Variants in NLRP1 observed in about 807,000 individuals in gnomAD.
NLRP1 encodes the protein NLR family pyrin domain containing 1, also known as NACHT, LRR and PYD domains-containing protein 1.
Under a neutral mutation model 136.7 loss-of-function variants are expected in NLRP1, and 94 were observed. The ratio of observed to expected loss-of-function variants is 0.69; its 90% CI spans 0.58 to 0.82. The LOEUF (loss-of-function observed/expected upper bound fraction) is 0.82, where lower values mean the gene tolerates loss of function less well. Ranked by LOEUF, NLRP1 falls within the 40% of genes least tolerant of loss-of-function variation. The pLI is 0.00. For missense variants in NLRP1, 1,575 were observed against 1,802.7 expected, an observed-to-expected ratio of 0.87 and a Z score of 2.29; for synonymous variants, 690 against 725.1, an observed-to-expected ratio of 0.95 and a Z score of 0.78.
chr17:5,529,662 G>C (rs79338441), intron 12 of NLRP1, among the ~76,000 whole-genome samples: 2 of 151,914 alleles, frequency 1.3e-5, no homozygotes, highest in Non-Finnish European at 2.9e-5. Context: ...CACTGCGCCC[G>C]GCCTTGTTTT....
chr17:5,581,322 G>T (rs1905616209), intron 3 of NLRP1, among the ~76,000 whole-genome samples: 1 of 152,194 alleles, frequency 6.6e-6, no homozygotes, highest in South Asian at 2.1e-4. Context: ...TTCCATCTTT[G>T]CTAGTACTAA....
At chr17:5,542,542 C>T (rs544823533) in intron 5 of NLRP1, among the ~76,000 whole-genome samples, 7 of 152,256 alleles carry the variant, frequency 4.6e-5, no homozygotes, top group Admixed American at 3.3e-4. Flanking sequence ...TGACATCTTG[C>T]CTCGTCTCTC....
intron 15 of NLRP1, chr17:5,503,938 G>C (rs1047565156): frequency 5.9e-5 from 9 of 152,234 alleles, no homozygotes; most frequent in African/African-American, 2.2e-4. Flanking sequence ...CTTCTAGGGG[G>C]ATCTTTTCTC....
chr17:5,503,006 TGGAA>T, intron 15 of NLRP1: 1 of 152,480 alleles, frequency 6.6e-6, no homozygotes, highest in East Asian at 1.9e-4. Flanking sequence ...AATAATGGAC[TGGAA>T]GGGTGTGAAG....
intron 12 of NLRP1, among the ~76,000 whole-genome samples, chr17:5,526,172 C>T (rs555062935): frequency 1.7e-4 from 26 of 152,152 alleles, no homozygotes; most frequent in Admixed American, 1.7e-3. Flanking sequence ...GAGATGGGGT[C>T]TCACTATGTT....
chr17:5,521,664 A>G lies in NLRP1; in HGVS notation c.3643T>C (p.Leu1215=). 6.2e-7 allele frequency: 1 copy of G among 1,613,946 alleles called. No homozygotes were observed. The highest frequency in any genetic ancestry group is 8.5e-7 in the Non-Finnish European group (1 of 1,180,014). Reference sequence around the variant, plus strand: ...TGGATCATTTTCAGGAGGACTCCCAAGGGGGAGAAGCTGGGGTTTTCCAGA... The same window carrying G: ...TGGATCATTTTCAGGAGGACTCCCAGGGGGGAGAAGCTGGGGTTTTCCAGA... ...IVLENPSFSP[L]GVLLKMIHNA... is the part of the protein sequence containing the mutation. Residue 1215 remains leucine, a synonymous_variant, in exon 13 of 17, where the codon TTG becomes CTG. Coordinates refer to ENST00000572272, the MANE Select transcript of NLRP1 (RefSeq NM_033004.4).
intron 14 of NLRP1, among the ~76,000 whole-genome samples, chr17:5,520,459 A>G (rs959005206): frequency 7.9e-5 from 12 of 152,138 alleles, no homozygotes; most frequent in Non-Finnish European, 1.5e-5. Context: ...TCTTCCTCAA[A>G]TGTATGCAAC....
chr17:5,572,203 A>G (rs536123201), intron 3 of NLRP1, among the ~76,000 whole-genome samples: 1 of 152,330 alleles, frequency 6.6e-6, no homozygotes, highest in African/African-American at 2.4e-5. Flanking sequence ...AAATTTCATG[A>G]GGAAGATGCC....
At chr17:5,577,537 CA>C (rs1567672379) in intron 3 of NLRP1, among the ~76,000 whole-genome samples, 2 of 152,076 alleles carry the variant, frequency 1.3e-5, no homozygotes, top group African/African-American at 4.8e-5. Flanking sequence ...AAATACCTAG[CA>C]ATCCAACTTA....
At chr17:5,509,379 A>AGT (rs1463064273), downstream of NLRP1, among the ~76,000 whole-genome samples, 1 of 152,144 alleles carries the variant, frequency 6.6e-6, no homozygotes, top group Non-Finnish European at 1.5e-5. Flanking sequence ...CCTGGACCAG[A>AGT]GTGTGTGCAT....
At chr17:5,501,645 A>C in exon 16 of NLRP1, 1 of 571,982 alleles carries the variant, frequency 1.7e-6, no homozygotes, top group South Asian at 2.0e-5. Flanking sequence ...TCACCCACAA[A>C]AGCAGGCATC....
chr17:5,509,612 C>A (rs78352581), downstream of NLRP1, among the ~76,000 whole-genome samples: 11,181 of 152,208 alleles, frequency 0.073, 516 homozygotes, highest in South Asian at 0.19. Flanking sequence ...TTGTTGCCTA[C>A]ACTGGAGTAC....
chr17:5,534,824 C>G (rs1194088874), intron 8 of NLRP1, among the ~76,000 whole-genome samples: 1 of 152,110 alleles, frequency 6.6e-6, no homozygotes, highest in Non-Finnish European at 1.5e-5. Context: ...GCCAGGGCCT[C>G]TGTCACCCTC....
chr17:5,538,391 T>C (rs1377332429), intron 7 of NLRP1, among the ~76,000 whole-genome samples: 1 of 152,092 alleles, frequency 6.6e-6, no homozygotes, highest in African/African-American at 2.4e-5. Context: ...GTTCTGGGCC[T>C]TTCCCCACAC....
At chr17:5,563,406 C>T (rs71368574) in intron 3 of NLRP1, among the ~76,000 whole-genome samples, 10,033 of 152,216 alleles carry the variant, frequency 0.066, 423 homozygotes, top group African/African-American at 0.11. Flanking sequence ...AGCTGAAAGA[C>T]GAAATGGTCA....
chr17:5,529,361 T>G (rs1238691123), intron 12 of NLRP1, among the ~76,000 whole-genome samples: 1 of 151,950 alleles, frequency 6.6e-6, no homozygotes, highest in Non-Finnish European at 1.5e-5. Context: ...GTTACTTGAT[T>G]GTTTATTCTT....
intron 3 of NLRP1, among the ~76,000 whole-genome samples, chr17:5,564,329 C>T (rs1483804182): frequency 1.3e-5 from 2 of 152,010 alleles, no homozygotes; most frequent in African/African-American, 4.8e-5. Flanking sequence ...ACTAACTATC[C>T]CCACCTTTCC....
chr17:5,517,533 A>C (rs1908314107), intron 15 of NLRP1, among the ~76,000 whole-genome samples: 1 of 151,992 alleles, frequency 6.6e-6, no homozygotes, highest in African/African-American at 2.4e-5. Flanking sequence ...GACTACAGGC[A>C]CGCGCTACCA....
Position 5,541,181 on chromosome 17 carries a change from G to A in NLRP1, c.2699+676C>T, listed in dbSNP as rs557087882. ...TGCCTCAGGCTCCCTGAGTAGCTGG[G>A]ATTACAGGTGCCCACCATCACGCCT... is the stretch of plus-strand genomic sequence containing the variant. On this transcript the variant is annotated intron_variant, in intron 6 of 16. Coordinates refer to ENST00000572272, the MANE Select transcript of NLRP1 (RefSeq NM_033004.4). This position sits in a 1 kb window ranked among gnomAD's most constrained non-coding sequence, Gnocchi z 4.2. 1.5e-4 allele frequency among the ~76,000 whole-genome samples: 23 copies of A among 152,242 alleles called. No individual in the cohort carries two copies. The South Asian group carries it at 1.9e-3, about 12-fold the overall frequency.
Sources: allele counts gnomAD v4.1 joint callset (sites outside exome capture counted in the v4.1 genomes callset), GRCh38; gene constraint gnomAD v4.1.1; non-coding constraint Gnocchi (gnomAD v3.1); transcripts MANE v1.5; gene names NCBI Gene and HGNC (gene_info 2026-07-23, HGNC 2026-07-21).